JMY: variants seen among roughly 807,000 people sequenced by gnomAD.
JMY encodes the protein junction mediating and regulatory protein, p53 cofactor.
In JMY, 46 loss-of-function variants were observed where a neutral mutation model predicts 103.3. The ratio of observed to expected loss-of-function variants is 0.45; its 90% CI spans 0.35 to 0.57. The LOEUF (loss-of-function observed/expected upper bound fraction) is 0.57, where lower values mean the gene tolerates loss of function less well. Ranked by LOEUF, JMY falls within the 20% of genes least tolerant of loss-of-function variation. The pLI is 0.00. For missense variants in JMY, 1,238 were observed against 1,255.2 expected, an observed-to-expected ratio of 0.99 and a Z score of 0.21; for synonymous variants, 526 against 489.3, an observed-to-expected ratio of 1.07 and a Z score of -0.99.
chr5:79,284,699 A>G (rs1052368639), intron 2 of JMY: 7 of 1,592,596 alleles, frequency 4.4e-6, no homozygotes, highest in African/African-American at 1.3e-5. Context: ...TCATTCTGCA[A>G]ATCAGCAAGA....
intron 3 of JMY, 131 bp from the exon 4 acceptor site, chr5:79,290,995 AAAAG>A (rs755168545): frequency 5.0e-6 from 3 of 601,594 alleles, no homozygotes; most frequent in Non-Finnish European, 5.2e-6. Flanking sequence ...ATAAAAGAAA[AAAAG>A]AAAAAAGTTA....
intron 1 of JMY, among the ~76,000 whole-genome samples, chr5:79,241,967 C>T (rs975857684): frequency 2.6e-5 from 4 of 152,000 alleles, no homozygotes; most frequent in African/African-American, 9.7e-5. Context: ...TTAGGTTTGA[C>T]CTGGATTTTA....
At chr5:79,296,728 G>A (rs1746574206) in intron 4 of JMY, among the ~76,000 whole-genome samples, 1 of 152,192 alleles carries the variant, frequency 6.6e-6, no homozygotes, top group Non-Finnish European at 1.5e-5. Flanking sequence ...TGCTCAGTGA[G>A]TATTTTTTGA....
intron 1 of JMY, among the ~76,000 whole-genome samples, chr5:79,277,406 G>A (rs926772702): frequency 3.3e-5 from 5 of 151,478 alleles, no homozygotes; most frequent in African/African-American, 1.2e-4. Context: ...GCGGGTGGCT[G>A]TCTTGAGCCA....
At chr5:79,312,612 A>T in intron 8 of JMY, 114 bp downstream of exon 8, 2 of 493,828 alleles carry the variant, frequency 4.0e-6, no homozygotes. Flanking sequence ...CCTTATTTAT[A>T]AACTATTATA....
At chr5:79,290,933 T>G (rs1328419566) in intron 3 of JMY, among the ~76,000 whole-genome samples, 197 bp from the exon 4 acceptor site, 1 of 152,070 alleles carries the variant, frequency 6.6e-6, no homozygotes, top group Admixed American at 6.6e-5. Flanking sequence ...TGCAGTGAGC[T>G]GAAATCGCGC....
rs181410669 is a variant in JMY, at chr5:79,278,713, A to G, written c.1206+630A>G. On this transcript the variant is annotated intron_variant, in intron 2 of 10. Coordinates refer to ENST00000396137, the MANE Select transcript of JMY (RefSeq NM_152405.5). ...TTGAACCCAGGAGGTCATGGCTGCA[A>G]TGAGCCATGATTGTGCCACTGCACT... Among the ~76,000 whole-genome samples, 380 of 151,244 alleles carry G rather than the reference A, an allele frequency of 2.5e-3. 1 individual carries two copies. The highest frequency in any genetic ancestry group is 5.0e-3 in the Admixed American group (76 of 15,166).
intron 1 of JMY, among the ~76,000 whole-genome samples, chr5:79,264,952 T>C (rs1397526103): frequency 6.6e-6 from 1 of 152,198 alleles, no homozygotes; most frequent in Non-Finnish European, 1.5e-5. Context: ...AGTCTTGCGC[T>C]ATCACTGTCA....
In JMY at chr5:79,284,323, A is replaced by G. The variant is rs190909589; in HGVS notation, c.1207-5798A>G. On this transcript the variant is annotated intron_variant, in intron 2 of 10. Transcript: ENST00000396137. Reference sequence around the variant, plus strand: ...ACATCATGGAGAGGATAGATTGGCAAGCCTTTTCTATGTCTTTTCCAATGC... The same window carrying G: ...ACATCATGGAGAGGATAGATTGGCAGGCCTTTTCTATGTCTTTTCCAATGC... The G allele has an allele frequency of 1.2e-4, 167 of 1,417,118 alleles. No homozygotes were observed. The East Asian group carries it at 3.6e-3, about 30-fold the overall frequency. The allele number at this position is 1,417,118 out of a possible 1,614,324, so 87.8% of individuals were successfully genotyped here. A position where few individuals can be genotyped will look rare whatever the true frequency, so the allele number is the denominator to read the frequency against.
At chr5:79,307,178 C>G (rs1746911025) in intron 7 of JMY, among the ~76,000 whole-genome samples, 1 of 152,182 alleles carries the variant, frequency 6.6e-6, no homozygotes, top group African/African-American at 2.4e-5. Flanking sequence ...TGCTTCTAAG[C>G]TTTGGCAGCA....
At chr5:79,273,836 C>A (rs376613763) in intron 1 of JMY, among the ~76,000 whole-genome samples, 1 of 150,332 alleles carries the variant, frequency 6.7e-6, no homozygotes, top group South Asian at 2.1e-4. Flanking sequence ...GTTTTTTTTT[C>A]TTTTTTCTTT....
At chr5:79,261,755 G>T (rs1745430158) in intron 1 of JMY, among the ~76,000 whole-genome samples, 1 of 152,160 alleles carries the variant, frequency 6.6e-6, no homozygotes, top group African/African-American at 2.4e-5. Context: ...AAATAACCCT[G>T]CTGGGATTAC....
chr5:79,278,183 A>C, intron 2 of JMY, 100 bp downstream of exon 2: 1 of 1,015,248 alleles, frequency 9.8e-7, no homozygotes, highest in East Asian at 2.5e-5. Context: ...AAAAAAAAAA[A>C]AAAAGAAGGT....
intron 7 of JMY, among the ~76,000 whole-genome samples, chr5:79,306,922 C>G (rs1362189708): frequency 1.3e-5 from 2 of 152,160 alleles, no homozygotes; most frequent in African/African-American, 4.8e-5. Flanking sequence ...CTACTCATCC[C>G]TCTCTCTCCC....
At chr5:79,257,628 G>A (rs1745288148) in intron 1 of JMY, among the ~76,000 whole-genome samples, 1 of 152,122 alleles carries the variant, frequency 6.6e-6, no homozygotes, top group African/African-American at 2.4e-5. Context: ...ATCAGAAATT[G>A]TGTTAGAAAT....
intron 1 of JMY, among the ~76,000 whole-genome samples, chr5:79,266,867 C>G (rs923745698): frequency 6.6e-6 from 1 of 152,166 alleles, no homozygotes; most frequent in Non-Finnish European, 1.5e-5. Flanking sequence ...AAATAGGTGT[C>G]AGCAGGTATG....
chr5:79,273,410 A>G (rs968936073), intron 1 of JMY, among the ~76,000 whole-genome samples: 1 of 151,994 alleles, frequency 6.6e-6, no homozygotes, highest in African/African-American at 2.4e-5. Context: ...TGTTCCTCCT[A>G]TGTTATTTTT....
intron 6 of JMY, among the ~76,000 whole-genome samples, chr5:79,304,855 C>T (rs1031409690): frequency 6.6e-6 from 1 of 152,092 alleles, no homozygotes; most frequent in Non-Finnish European, 1.5e-5. Flanking sequence ...GACCTGTATC[C>T]TCATTTATAA....
chr5:79,265,181 C>T (rs1167203164), intron 1 of JMY, among the ~76,000 whole-genome samples: 1 of 152,226 alleles, frequency 6.6e-6, no homozygotes, highest in Middle Eastern at 3.4e-3. Context: ...GCCTTGGCCT[C>T]CCAAAGTGCT....
Sources: gnomAD v4.1 joint callset for allele counts (sites outside exome capture counted in the v4.1 genomes callset) on GRCh38, gnomAD v4.1.1 for gene constraint, MANE v1.5 for transcripts, NCBI Gene and HGNC (gene_info 2026-07-23, HGNC 2026-07-21) for gene names.